Variants in OXR1 observed in about 807,000 individuals in gnomAD.
The protein encoded by OXR1 is oxidation resistance protein 1.
OXR1 carries 41 observed loss-of-function variants against 104.6 expected under a neutral mutation model. The ratio of observed to expected loss-of-function variants is 0.39; its 90% CI spans 0.31 to 0.51. The LOEUF (loss-of-function observed/expected upper bound fraction) is 0.51. Ranked by LOEUF, OXR1 falls within the 20% of genes least tolerant of loss-of-function variation. The pLI is 0.77. For missense variants in OXR1, 955 were observed against 1,031.9 expected, an observed-to-expected ratio of 0.93 and a Z score of 1.02; for synonymous variants, 348 against 348.4, an observed-to-expected ratio of 1.00 and a Z score of 0.01.
At chr8:106,533,705 G>T (rs1006864228) in intron 3 of OXR1, among the ~76,000 whole-genome samples, 11 of 145,730 alleles carry the variant, frequency 7.5e-5, no homozygotes, top group Non-Finnish European at 1.7e-4. Context: ...GGCAGCAGTT[G>T]AGTTTACTTT....
intron 1 of OXR1, among the ~76,000 whole-genome samples, chr8:106,337,732 A>T (rs7004122): frequency 1.3e-5 from 2 of 152,214 alleles, no homozygotes; most frequent in Non-Finnish European, 2.9e-5. Context: ...GAAGAAAAAA[A>T]TAAAATATTT....
chr8:106,566,440 G>A (rs1359412392), intron 3 of OXR1, among the ~76,000 whole-genome samples: 1 of 152,168 alleles, frequency 6.6e-6, no homozygotes, highest in African/African-American at 2.4e-5. Context: ...ATGCCTGTTA[G>A]AATGGTGATC....
chr8:106,329,416 C>T (rs1219332662), intron 1 of OXR1, among the ~76,000 whole-genome samples: 1 of 150,336 alleles, frequency 6.7e-6, no homozygotes, highest in Non-Finnish European at 1.5e-5. Context: ...GGTGTGATCT[C>T]AGCTCACTGC....
At chr8:106,709,511 A>C (rs993829738) in intron 9 of OXR1, among the ~76,000 whole-genome samples, 13 of 151,742 alleles carry the variant, frequency 8.6e-5, no homozygotes, top group Non-Finnish European at 1.8e-4. Flanking sequence ...TACATCTGAT[A>C]GTTACCTTAT....
At chr8:106,321,204 C>T (rs981358642) in intron 1 of OXR1, among the ~76,000 whole-genome samples, 1 of 152,032 alleles carries the variant, frequency 6.6e-6, no homozygotes, top group African/African-American at 2.4e-5. Flanking sequence ...CAAAACAGGG[C>T]CTTGTGAAAA....
Position 106,706,758 on chromosome 8 carries a change from G to T in OXR1, c.1237G>T (p.Asp413Tyr), listed in dbSNP as rs1260615736. The T allele has an allele frequency of 5.0e-6, 8 of 1,612,466 alleles. No homozygotes were observed. Among genetic ancestry groups the T allele is most frequent in the Non-Finnish European group, 6.8e-6 (8 of 1,179,660 alleles). Residue 413 changes from aspartate to tyrosine, a missense_variant, in exon 9 of 17, where the codon GAT becomes TAT. Physicochemically the swap from Asp to Tyr is radical, Grantham distance 160. Around this residue, in one of 2 missense-constraint regions of OXR1, gnomAD observed 849 missense variants for 852.9 expected, o/e 1.00. Coordinates refer to ENST00000517566, the MANE Select transcript of OXR1 (RefSeq NM_001198533.2). ...NEVGTLCHKTDLNNLEMAIKE... is the reference protein window; with the variant it reads ...NEVGTLCHKTYLNNLEMAIKE... ...AGTTGGGACTTTATGTCATAAAACT[G>T]ATTTAAATAATCTTGAAATGGCCAT... is the stretch of plus-strand genomic sequence containing the variant.
At chr8:106,709,009 T>C (rs1269009720) in intron 9 of OXR1, among the ~76,000 whole-genome samples, 2 of 152,128 alleles carry the variant, frequency 1.3e-5, no homozygotes, top group Non-Finnish European at 2.9e-5. Flanking sequence ...CATATATTAA[T>C]ACTTGAACCA....
chr8:106,607,358 T>A (rs1054834507), intron 3 of OXR1, among the ~76,000 whole-genome samples: 1 of 152,218 alleles, frequency 6.6e-6, no homozygotes, highest in Non-Finnish European at 1.5e-5. Context: ...TCCTCCCCTC[T>A]GATTGCAAGG....
At chr8:106,720,251 T>A (rs1475346597) in intron 11 of OXR1, among the ~76,000 whole-genome samples, 2 of 152,180 alleles carry the variant, frequency 1.3e-5, no homozygotes, top group South Asian at 4.1e-4. Context: ...TTCAAACATA[T>A]CATTGCCAAG....
chr8:106,354,011 C>T (rs1268538757), intron 1 of OXR1, among the ~76,000 whole-genome samples: 2 of 152,024 alleles, frequency 1.3e-5, no homozygotes, highest in African/African-American at 4.8e-5. Flanking sequence ...TTGTTCCTGG[C>T]TGATTTTAGC....
rs368106160 is a variant in OXR1 at position 106,291,421 on chromosome 8, C to T, written c.-139+21054C>T. Reference sequence around the variant, plus strand: ...CTAAAATAAAAGTACAACAAAAAGTCTCAGTGGAAACCATTATAAATGCAA... The same window carrying T: ...CTAAAATAAAAGTACAACAAAAAGTTTCAGTGGAAACCATTATAAATGCAA... On this transcript the variant is annotated intron_variant, in intron 1 of 16. Coordinates refer to ENST00000517566, the MANE Select transcript of OXR1 (RefSeq NM_001198533.2). Among the ~76,000 whole-genome samples the T allele has an allele frequency of 5.9e-5, 9 of 152,198 alleles. No individual in the cohort carries two copies. In the East Asian group the frequency reaches 1.4e-3, roughly 23 times the overall value.
intron 3 of OXR1, among the ~76,000 whole-genome samples, chr8:106,634,643 CAT>C (rs1208170594): frequency 6.6e-6 from 1 of 152,092 alleles, no homozygotes; most frequent in Non-Finnish European, 1.5e-5. Flanking sequence ...AACTGAATCA[CAT>C]ATCTCCTTAA....
chr8:106,688,360 T>TA (rs1264584797), intron 6 of OXR1, among the ~76,000 whole-genome samples: 3 of 151,812 alleles, frequency 2.0e-5, no homozygotes, highest in African/African-American at 7.2e-5. Context: ...TAAAATATGA[T>TA]AAAAATAGAA....
chr8:106,393,495 G>A (rs558352634), intron 2 of OXR1, among the ~76,000 whole-genome samples: 1 of 152,174 alleles, frequency 6.6e-6, no homozygotes, highest in East Asian at 1.9e-4. Flanking sequence ...TATGTTAAAA[G>A]TCTTTCCATT....
At chr8:106,700,597 A>G (rs931876012) in intron 7 of OXR1, among the ~76,000 whole-genome samples, 9 of 151,844 alleles carry the variant, frequency 5.9e-5, no homozygotes, top group Admixed American at 5.9e-4. Context: ...TAATCCAAAA[A>G]GTAGACTCAT....
intron 3 of OXR1, among the ~76,000 whole-genome samples, chr8:106,548,674 A>G (rs115185241): frequency 1.4e-4 from 21 of 152,322 alleles, no homozygotes; most frequent in African/African-American, 5.1e-4. Flanking sequence ...TTATTAGTAT[A>G]CTGTATGTTT....
intron 11 of OXR1, chr8:106,726,013 A>G (rs1338718174): frequency 2.0e-6 from 1 of 510,208 alleles, no homozygotes; most frequent in East Asian, 3.9e-5. Context: ...TAAGCATGGG[A>G]AATTCTCTCT....
chr8:106,663,340 A>C (rs1825956770), intron 3 of OXR1, among the ~76,000 whole-genome samples: 1 of 152,238 alleles, frequency 6.6e-6, no homozygotes, highest in Non-Finnish European at 1.5e-5. Context: ...ATGTGAGAAG[A>C]ATTAAAATTC....
At chr8:106,467,800 C>T (rs1385932735) in intron 2 of OXR1, among the ~76,000 whole-genome samples, 2 of 151,874 alleles carry the variant, frequency 1.3e-5, no homozygotes, top group Non-Finnish European at 2.9e-5. Context: ...TTCTGAACTT[C>T]AAGAATCTAA....
Sources: allele counts gnomAD v4.1 joint callset (sites outside exome capture counted in the v4.1 genomes callset), GRCh38; gene constraint gnomAD v4.1.1; regional missense constraint gnomAD v4.1.1; transcripts MANE v1.5; gene names NCBI Gene and HGNC (gene_info 2026-07-23, HGNC 2026-07-21).